The following ZC3H7A variants were observed in gnomAD, a reference collection of about 807,000 sequenced individuals.
The protein encoded by ZC3H7A is zinc finger CCCH-type containing 7A, also known as zinc finger CCCH domain-containing protein 7A.
Under a neutral mutation model 125.5 loss-of-function variants are expected in ZC3H7A, and 44 were observed. The ratio of observed to expected loss-of-function variants is 0.35; its 90% CI spans 0.28 to 0.45. The LOEUF is 0.45. Among genes scored for constraint, ZC3H7A ranks in the 20% least tolerant of loss-of-function variants. The pLI, the probability that ZC3H7A is intolerant of heterozygous loss-of-function variation, is 1.00. For missense variants in ZC3H7A, 977 were observed against 1,170.7 expected (o/e 0.83, Z 2.41); for synonymous variants, 399 against 391.2 (o/e 1.02, Z -0.23).
intron 2 of ZC3H7A, 136 bp downstream of exon 2, chr16:11,782,151 G>C: frequency 1.1e-6 from 1 of 915,506 alleles, no homozygotes. Flanking sequence ...AAAAAATATT[G>C]CTAGAATATG....
At chr16:11,772,968 G>A (rs779186521) in intron 9 of ZC3H7A, among the ~76,000 whole-genome samples, 42 of 151,780 alleles carry the variant, frequency 2.8e-4, no homozygotes, top group Non-Finnish European at 4.7e-4. Flanking sequence ...TGTGATTACA[G>A]GTGTGCGCCA....
Position 11,768,467 on chromosome 16 carries a change from T to C in ZC3H7A, c.1208A>G (p.Asn403Ser). 6.6e-7 allele frequency: 1 copy of C among 1,511,492 alleles called. No homozygotes were observed. The highest frequency in any genetic ancestry group is 1.4e-5 in the South Asian group (1 of 73,346). The allele number at this position is 1,511,492 out of a possible 1,614,324, so 93.6% of individuals were successfully genotyped here. The change falls in exon 12 of 23, where the codon AAT becomes AGT. Residue 403 changes from asparagine to serine, a missense_variant. By Grantham distance (46) the Asn-to-Ser change is conservative. Around this residue, in one of 3 missense-constraint regions of ZC3H7A, gnomAD observed 342 missense variants for 311.3 expected, o/e 1.10. Coordinates refer to ENST00000355758, the MANE Select transcript of ZC3H7A (RefSeq NM_014153.4). ...AGGCTGACTTGAAATTCCCAGGAAA[T>C]TCTCTGAAGCAAACAAACTACCTGG... ...NGPGSLFASENFLGISSQPRN... is the reference protein window; with the variant it reads ...NGPGSLFASESFLGISSQPRN...
intron 12 of ZC3H7A, among the ~76,000 whole-genome samples, chr16:11,767,976 T>C (rs1416433834): frequency 6.6e-6 from 1 of 152,200 alleles, no homozygotes; most frequent in Non-Finnish European, 1.5e-5. Context: ...TATAATGCTG[T>C]TTTCTAGTTC....
At position 11,776,545 on chromosome 16, in the gene ZC3H7A, A is replaced by T; in HGVS notation, c.466-13T>A. The T allele has an allele frequency of 6.3e-7, 1 of 1,595,410 alleles. No homozygotes were observed. The highest frequency in any genetic ancestry group is 1.1e-5 in the South Asian group (1 of 87,082). Reference sequence around the variant, plus strand: ...TTACATGCTCATCCTGAAAAAAATAAGTATGTATAATTAACAGGGTTATAT... The same window carrying T: ...TTACATGCTCATCCTGAAAAAAATATGTATGTATAATTAACAGGGTTATAT... On this transcript the variant is annotated splice_polypyrimidine_tract_variant and intron_variant, in intron 5 of 22. Coordinates refer to ENST00000355758, the MANE Select transcript of ZC3H7A (RefSeq NM_014153.4).
At position 11,751,049 on chromosome 16, in the gene ZC3H7A, C is replaced by T. The variant is rs2052545481; in HGVS notation, c.*268G>A. 1.2e-5 allele frequency: 4 copies of T among 331,716 alleles called. No individual in the cohort carries two copies. The highest frequency in any genetic ancestry group is 2.2e-5 in the Non-Finnish European group (4 of 181,154). 20.5% of individuals were successfully genotyped at this position (331,716 alleles called of 1,614,324 possible). ...GTTGTCCTAGATATAACCTTATCCTCTTCCCCAACACACTTCATCCAAAAG... is the reference window on the plus strand; with the variant it reads ...GTTGTCCTAGATATAACCTTATCCTTTTCCCCAACACACTTCATCCAAAAG... On this transcript the variant is annotated 3_prime_UTR_variant, in exon 23 of 23. Coordinates refer to ENST00000355758, the MANE Select transcript of ZC3H7A (RefSeq NM_014153.4).
chr16:11,789,639 C>G (rs1032381396), intron 1 of ZC3H7A, among the ~76,000 whole-genome samples: 1 of 152,154 alleles, frequency 6.6e-6, no homozygotes, highest in African/African-American at 2.4e-5. Context: ...TCAGTGTGTT[C>G]GTTTTCAAAA....
rs1418563236 is a variant in ZC3H7A, at chr16:11,758,308, A to C, written c.2428+123T>G. The C allele has an allele frequency of 3.4e-5, 25 of 734,828 alleles. No individual in the cohort carries two copies. In the East Asian group the frequency reaches 6.4e-4, roughly 19 times the overall value. 45.5% of individuals were successfully genotyped at this position (734,828 alleles called of 1,614,324 possible). On this transcript the variant is annotated intron_variant, in intron 20 of 22. Coordinates refer to ENST00000355758, the MANE Select transcript of ZC3H7A (RefSeq NM_014153.4). Reference sequence around the variant, plus strand: ...ATCATCGCCAACAGAGCTACTGATGAAACGGGGCAACCGTTTAGAATGCAA... The same window carrying C: ...ATCATCGCCAACAGAGCTACTGATGCAACGGGGCAACCGTTTAGAATGCAA...
intron 1 of ZC3H7A, chr16:11,796,824 G>C (rs1045846852): frequency 5.9e-5 from 9 of 151,726 alleles, no homozygotes; most frequent in African/African-American, 2.2e-4. Flanking sequence ...TTTTTTTTTA[G>C]TGAAATCACC....
chr16:11,756,214 G>A (rs185370887), intron 21 of ZC3H7A, 23 bp downstream of exon 21: 1 of 1,594,996 alleles, frequency 6.3e-7, no homozygotes, highest in East Asian at 2.2e-5. Context: ...GCAAAGAGAG[G>A]GTAAATGACG....
chr16:11,791,121 A>ACC (rs2053343671), intron 1 of ZC3H7A, among the ~76,000 whole-genome samples: 1 of 151,418 alleles, frequency 6.6e-6, no homozygotes, highest in African/African-American at 2.4e-5. Context: ...ACACACACAC[A>ACC]CACACACACA....
intron 1 of ZC3H7A, among the ~76,000 whole-genome samples, chr16:11,790,611 C>T (rs2053333795): frequency 6.6e-6 from 1 of 152,032 alleles, no homozygotes; most frequent in African/African-American, 2.4e-5. Flanking sequence ...ACGATCTCGG[C>T]TCATTGCAAC....
At chr16:11,790,317 C>G (rs2053328626) in intron 1 of ZC3H7A, among the ~76,000 whole-genome samples, 2 of 152,196 alleles carry the variant, frequency 1.3e-5, no homozygotes, top group South Asian at 4.1e-4. Context: ...TAGCAAGGCT[C>G]AGCGTCCTTT....
intron 8 of ZC3H7A, 86 bp downstream of exon 8, chr16:11,774,894 T>C: frequency 1.4e-6 from 2 of 1,410,742 alleles, no homozygotes; most frequent in Non-Finnish European, 2.0e-6. Flanking sequence ...CACACAGCGA[T>C]ATTATTTGAC....
chr16:11,791,759 G>A (rs145604271), intron 1 of ZC3H7A, among the ~76,000 whole-genome samples: 1 of 152,304 alleles, frequency 6.6e-6, no homozygotes, highest in East Asian at 1.9e-4. Flanking sequence ...GGGAAACAAG[G>A]TGGGAAGTGA....
intron 18 of ZC3H7A, 195 bp from the exon 19 acceptor site, chr16:11,761,706 G>C (rs2052755900): frequency 1.2e-6 from 1 of 851,522 alleles, no homozygotes; most frequent in African/African-American, 1.7e-5. Flanking sequence ...TAAACAAATT[G>C]ATAAAATACA....
chr16:11,790,541 G>A (rs954951250), intron 1 of ZC3H7A, among the ~76,000 whole-genome samples: 4 of 152,134 alleles, frequency 2.6e-5, no homozygotes, highest in East Asian at 1.9e-4. Context: ...TGTCGTCGTC[G>A]TTATTATTGT....
chr16:11,753,007 A>G lies in ZC3H7A; in HGVS notation c.2563-175T>C, dbSNP rs567728417. 7.5e-6 allele frequency: 5 copies of G among 668,106 alleles called. No individual in the cohort carries two copies. The Admixed American group carries it at 1.7e-4, about 22-fold the overall frequency. 41.4% of individuals were successfully genotyped at this position (668,106 alleles called of 1,614,324 possible). ...CAAGCCAGCACTCAGGACACAGAGA[A>G]GAAGGGTGACAAATGCTGCCAGCTG... On this transcript the variant is annotated intron_variant, in intron 21 of 22. Coordinates refer to ENST00000355758, the MANE Select transcript of ZC3H7A (RefSeq NM_014153.4).
rs1023888558 is a variant in ZC3H7A at position 11,794,592 on chromosome 16, A to G, written c.-35+2532T>C. On this transcript the variant is annotated intron_variant, in intron 1 of 22. Transcript: ENST00000355758. Reference sequence around the variant, plus strand: ...ACTTCCAGACGTTATCCAGAAGACAAAAGTTTGCTCACATCATACTGTCTC... The same window carrying G: ...ACTTCCAGACGTTATCCAGAAGACAGAAGTTTGCTCACATCATACTGTCTC... 5.3e-5 allele frequency among the ~76,000 whole-genome samples: 8 copies of G among 152,250 alleles called. No individual in the cohort carries two copies. The East Asian group carries it at 7.7e-4, about 15-fold the overall frequency.
At chr16:11,779,578 T>C (rs1458163753) in intron 3 of ZC3H7A, among the ~76,000 whole-genome samples, 1 of 152,210 alleles carries the variant, frequency 6.6e-6, no homozygotes, top group African/African-American at 2.4e-5. Flanking sequence ...TTCTCACTAT[T>C]AAGAAAAATG....
Sources: allele counts gnomAD v4.1 joint callset (sites outside exome capture counted in the v4.1 genomes callset), GRCh38; gene constraint gnomAD v4.1.1; regional missense constraint gnomAD v4.1.1; transcripts MANE v1.5; gene names NCBI Gene and HGNC (gene_info 2026-07-23, HGNC 2026-07-21).